The following SLC9A7 variants were observed in gnomAD, a reference collection of about 807,000 sequenced individuals.
The protein encoded by SLC9A7 is solute carrier family 9 member A7, also known as sodium/hydrogen exchanger 7.
SLC9A7 carries 19 observed loss-of-function variants against 52.6 expected under a neutral mutation model. The observed-to-expected ratio is 0.36, with a 90% CI of 0.25 to 0.53. The LOEUF (loss-of-function observed/expected upper bound fraction) is 0.53, where lower values mean the gene tolerates loss of function less well. Among genes scored for constraint, SLC9A7 ranks in the 20% least tolerant of loss-of-function variants. The pLI, the probability that SLC9A7 is intolerant of heterozygous loss-of-function variation, is 0.91. For synonymous variants in SLC9A7, 226 were observed against 252.1 expected (o/e 0.90, Z 0.98); for missense variants, 455 against 597.9 (o/e 0.76, Z 2.49).
chrX:46,630,653 C>G (rs1296437431), intron 14 of SLC9A7, among the ~76,000 whole-genome samples: 5 of 112,004 alleles, frequency 4.5e-5, no homozygotes, highest in Non-Finnish European at 9.4e-5. Context: ...AAAATCATCC[C>G]GACAGCTGCA....
At position 46,638,229 on chromosome X, in the gene SLC9A7, C is replaced by T. The variant is rs1687965228; in HGVS notation, c.1617-2581G>A. On this transcript the variant is annotated intron_variant, in intron 12 of 16. Coordinates refer to ENST00000616978, the MANE Select transcript of SLC9A7 (RefSeq NM_001257291.2). ...CAGAAAAATTAATCTGTTTTATTAC[C>T]TTATTTCAGAGGGAATTTCTTTTGA... Among the ~76,000 whole-genome samples, 3 of 112,200 alleles carry T rather than the reference C, an allele frequency of 2.7e-5. No individual in the cohort carries two copies. In the South Asian group the frequency reaches 1.1e-3, roughly 41 times the overall value.
rs184880746 is a variant in SLC9A7, at chrX:46,743,624, C to T, written c.325+15081G>A. Among the ~76,000 whole-genome samples, 5 of 111,803 alleles carry T rather than the reference C, an allele frequency of 4.5e-5. No individual in the cohort carries two copies. The East Asian group carries it at 1.4e-3, about 31-fold the overall frequency. ...CATTATGTCTTTTTCTCCTGCTGAT[C>T]TTGCTGTGTATGTTTTCACTGTAAT... On this transcript the variant is annotated intron_variant, in intron 1 of 16. Transcript: ENST00000616978.
chrX:46,607,217 C>CCAA lies in SLC9A7; in HGVS notation c.1930-17_1930-15dup. ...TGGCTCTTGGTTCTGAAAAGTGCAA[C>CCAA]CAACAACAACAACAAAAATGAGAGA... On this transcript the variant is annotated splice_polypyrimidine_tract_variant and intron_variant, in intron 16 of 16. Transcript: ENST00000616978. The CCAA allele has an allele frequency of 8.3e-7, 1 of 1,203,873 alleles. No homozygotes were observed. The highest frequency in any genetic ancestry group is 1.1e-6 in the Non-Finnish European group (1 of 891,096).
chrX:46,672,771 T>A, intron 3 of SLC9A7, 144 bp from the exon 4 acceptor site: 2 of 445,826 alleles, frequency 4.5e-6, no homozygotes, highest in Non-Finnish European at 7.7e-6. Flanking sequence ...TACTCCTATA[T>A]GGTGTTATTT....
At chrX:46,649,309 G>A (rs1326013092) in intron 10 of SLC9A7, among the ~76,000 whole-genome samples, 1 of 111,919 alleles carries the variant, frequency 8.9e-6, no homozygotes, top group African/African-American at 3.3e-5. Flanking sequence ...AAACATCAGA[G>A]ACTTTAATGG....
intron 5 of SLC9A7, among the ~76,000 whole-genome samples, chrX:46,664,133 T>C: frequency 9.0e-6 from 1 of 110,800 alleles, no homozygotes; most frequent in Non-Finnish European, 1.9e-5. Flanking sequence ...CTCTCAACAC[T>C]CATACCCAAC....
At chrX:46,712,423 C>T (rs190571257) in intron 1 of SLC9A7, among the ~76,000 whole-genome samples, 126 of 110,743 alleles carry the variant, frequency 1.1e-3, no homozygotes, top group African/African-American at 4.1e-3. Flanking sequence ...CCAGATCCCA[C>T]CTGAACTAAC....
At chrX:46,641,727 G>A (rs1440176359) in intron 12 of SLC9A7, among the ~76,000 whole-genome samples, 1 of 111,584 alleles carries the variant, frequency 9.0e-6, no homozygotes, top group African/African-American at 3.3e-5. Context: ...CTTACAGGCA[G>A]TATAGCACAG....
rs1164719018 is a variant in SLC9A7, at chrX:46,758,911, G to C, written c.119C>G (p.Ser40Trp). ...CGCCGCCGCCCCAGAGGAGGAGGCC[G>C]AGGCCGCGGCCGCGACTCGCAGCCC... is the stretch of plus-strand genomic sequence containing the variant. ...GWGLRVAAAASASSSGAAAED... is the reference protein window; with the variant it reads ...GWGLRVAAAAWASSSGAAAED... Residue 40 changes from serine to tryptophan, a missense_variant, in exon 1 of 17, where the codon TCG becomes TGG. By Grantham distance (177) the Ser-to-Trp change is radical. Around this residue, in one of 3 missense-constraint regions of SLC9A7, gnomAD observed 304 missense variants for 417.8 expected, o/e 0.73. Transcript: ENST00000616978. 2 of 1,162,778 alleles carry C rather than the reference G, an allele frequency of 1.7e-6. No individual in the cohort carries two copies. The highest frequency in any genetic ancestry group is 2.3e-6 in the Non-Finnish European group (2 of 873,744).
chrX:46,759,060 CG>C lies in SLC9A7; in HGVS notation c.-32del. 1.1e-6 allele frequency: 1 copy of C among 882,334 alleles called. No homozygotes were observed. Among genetic ancestry groups the C allele is most frequent in the Non-Finnish European group, 1.4e-6 (1 of 714,445 alleles). 72.7% of individuals were successfully genotyped at this position (882,334 alleles called of 1,213,427 possible). ...CGGGGCCCCCCGCGCCTCCTCCGAGCGGGGACCAGCAGCCCGCGCCGTCGGC... is the reference window on the plus strand; with the variant it reads ...CGGGGCCCCCCGCGCCTCCTCCGAGCGGGACCAGCAGCCCGCGCCGTCGGC... On this transcript the variant is annotated 5_prime_UTR_variant, in exon 1 of 17. Coordinates refer to ENST00000616978, the MANE Select transcript of SLC9A7 (RefSeq NM_001257291.2).
At position 46,599,640 on chromosome X, in the gene SLC9A7, A is replaced by ACTT. The variant is rs1312056985; in HGVS notation, c.*7309_*7311dup. On this transcript the variant is annotated 3_prime_UTR_variant, in exon 17 of 17. Transcript: ENST00000616978. ...GAGTAAAATGCTAGGGAAAGACGGC[A>ACTT]CTTTGGGGGCCTACTGCAGTTTTCC... 8.9e-6 allele frequency: 1 copy of ACTT among 112,139 alleles called. No homozygotes were observed. Among genetic ancestry groups the ACTT allele is most frequent in the Non-Finnish European group, 1.9e-5 (1 of 53,241 alleles). 9.2% of individuals were successfully genotyped at this position (112,139 alleles called of 1,213,427 possible).
At position 46,679,762 on chromosome X, in the gene SLC9A7, GT is replaced by G. The variant is rs755479937; in HGVS notation, c.526-8del. 1.3e-5 allele frequency: 15 copies of G among 1,150,014 alleles called. No homozygotes were observed. The South Asian group carries it at 2.8e-4, about 22-fold the overall frequency. The allele number at this position is 1,150,014 out of a possible 1,213,427, so 94.8% of individuals were successfully genotyped here. A position where few individuals can be genotyped will look rare whatever the true frequency, so the allele number is the denominator to read the frequency against. The stretch of plus-strand genomic sequence containing the variant: ...CTTCTGGATCGAATGTTACCTGAAA[GT>G]TTAAAAAGAAAAAAAAGCCAATTTT... On this transcript the variant is annotated splice_region_variant and splice_polypyrimidine_tract_variant and intron_variant, in intron 2 of 16. Coordinates refer to ENST00000616978, the MANE Select transcript of SLC9A7 (RefSeq NM_001257291.2).
intron 1 of SLC9A7, among the ~76,000 whole-genome samples, chrX:46,755,705 C>T (rs782703570): frequency 9.2e-6 from 1 of 108,971 alleles, no homozygotes; most frequent in South Asian, 4.1e-4. Context: ...CGCCTGTAAT[C>T]CCAGCTACTC....
At position 46,621,043 on chromosome X, in the gene SLC9A7, G is replaced by A; in HGVS notation, c.1757C>T (p.Ala586Val). The change falls in exon 15 of 17, where the codon GCC (alanine) becomes GTC (valine). Residue 586 changes from alanine to valine, a missense_variant. Ala to Val is a moderately conservative substitution (Grantham distance 64). Transcript: ENST00000616978. Reference protein sequence around the residue: ...QVLQGDGPDSARGNRTKQESA... With the variant: ...QVLQGDGPDSVRGNRTKQESA... ...CTCCTGTTTTGTCCGGTTTCCTCTGGCAGAATCTGGGCCGTCCTAGGAACA... is the reference window on the plus strand; with the variant it reads ...CTCCTGTTTTGTCCGGTTTCCTCTGACAGAATCTGGGCCGTCCTAGGAACA... 1 of 1,202,823 alleles carries A rather than the reference G, an allele frequency of 8.3e-7. No homozygotes were observed. The highest frequency in any genetic ancestry group is 1.1e-6 in the Non-Finnish European group (1 of 888,774).
At chrX:46,730,989 CA>C (rs1945028967) in intron 1 of SLC9A7, among the ~76,000 whole-genome samples, 1 of 107,683 alleles carries the variant, frequency 9.3e-6, no homozygotes, top group African/African-American at 3.4e-5. Flanking sequence ...GAGTCATACA[CA>C]AAACTAAACA....
intron 1 of SLC9A7, among the ~76,000 whole-genome samples, chrX:46,691,939 T>C (rs1384274300): frequency 9.0e-6 from 1 of 111,300 alleles, no homozygotes; most frequent in Non-Finnish European, 1.9e-5. Context: ...CTTGTATAAA[T>C]GCTGATTTAT....
At chrX:46,609,136 A>G (rs985345701) in intron 16 of SLC9A7, among the ~76,000 whole-genome samples, 30 of 111,873 alleles carry the variant, frequency 2.7e-4, no homozygotes, top group African/African-American at 9.1e-4. Context: ...TTACTGCTTC[A>G]AGGTTTGGAG....
intron 4 of SLC9A7, among the ~76,000 whole-genome samples, chrX:46,671,141 T>C (rs1453973891): frequency 2.7e-5 from 3 of 112,215 alleles, no homozygotes; most frequent in Non-Finnish European, 5.6e-5. Context: ...TTTATTCAGA[T>C]TTTCTTAGTT....
At chrX:46,684,427 A>G (rs1309619213) in intron 1 of SLC9A7, among the ~76,000 whole-genome samples, 1 of 111,798 alleles carries the variant, frequency 8.9e-6, no homozygotes, top group Non-Finnish European at 1.9e-5. Flanking sequence ...CTGGTCTCGA[A>G]CTATTGACCT....
Sources: gnomAD v4.1 joint callset for allele counts (sites outside exome capture counted in the v4.1 genomes callset) on GRCh38, gnomAD v4.1.1 for gene constraint, gnomAD v4.1.1 regional missense constraint, MANE v1.5 for transcripts, NCBI Gene and HGNC (gene_info 2026-07-23, HGNC 2026-07-21) for gene names.